KCNMA1: variants seen among roughly 807,000 people sequenced by gnomAD.
The protein encoded by KCNMA1 is potassium calcium-activated channel subfamily M alpha 1.
In KCNMA1, 29 loss-of-function variants were observed where a neutral mutation model predicts 140.0. That is an observed-to-expected ratio of 0.21 (90% CI 0.15 to 0.28). The LOEUF is 0.28. Ranked by LOEUF, KCNMA1 falls within the 10% of genes least tolerant of loss-of-function variation. The pLI, the probability that KCNMA1 is intolerant of heterozygous loss-of-function variation, is 1.00. For synonymous variants in KCNMA1, 612 were observed against 611.9 expected (o/e 1.00, Z 0.00); for missense variants, 880 against 1,602.2 (o/e 0.55, Z 7.70).
At chr10:77,170,065 C>A (rs2098687261) in intron 5 of KCNMA1, among the ~76,000 whole-genome samples, 1 of 152,116 alleles carries the variant, frequency 6.6e-6, no homozygotes, top group South Asian at 2.1e-4. Flanking sequence ...GTGGTGGGCA[C>A]CTGTAATCCC....
At chr10:77,494,740 G>C (rs1482183638) in intron 1 of KCNMA1, among the ~76,000 whole-genome samples, 1 of 152,190 alleles carries the variant, frequency 6.6e-6, no homozygotes, top group Non-Finnish European at 1.5e-5. Flanking sequence ...AACTGAGTTG[G>C]ATTAAATAAT....
intron 1 of KCNMA1, among the ~76,000 whole-genome samples, chr10:77,564,376 C>A (rs1213964668): frequency 1.3e-5 from 2 of 152,152 alleles, no homozygotes. Context: ...AGTTCAAGAC[C>A]AGCCTGGGCA....
At chr10:77,590,866 C>G (rs113823908) in intron 1 of KCNMA1, among the ~76,000 whole-genome samples, 4 of 152,238 alleles carry the variant, frequency 2.6e-5, no homozygotes, top group African/African-American at 9.6e-5. Flanking sequence ...ACCAGACACT[C>G]TAGCGAGACT....
intron 25 of KCNMA1, 69 bp downstream of exon 25, chr10:76,909,897 A>C: frequency 6.4e-7 from 1 of 1,564,986 alleles, no homozygotes; most frequent in Non-Finnish European, 8.7e-7. Flanking sequence ...CCAGGGCCTC[A>C]AAGGTTGGAG....
chr10:77,162,696 A>T (rs1314410595), intron 5 of KCNMA1, among the ~76,000 whole-genome samples: 1 of 152,248 alleles, frequency 6.6e-6, no homozygotes, highest in Non-Finnish European at 1.5e-5. Context: ...ATGAGACAGA[A>T]CTAGCAGAAA....
intron 1 of KCNMA1, among the ~76,000 whole-genome samples, chr10:77,414,196 G>A (rs2096683063): frequency 6.6e-6 from 1 of 152,202 alleles, no homozygotes; most frequent in East Asian, 1.9e-4. Context: ...CTGACCCGGA[G>A]GCCTGGATTG....
At chr10:76,947,435 C>T (rs1046050673) in intron 22 of KCNMA1, among the ~76,000 whole-genome samples, 1 of 152,170 alleles carries the variant, frequency 6.6e-6, no homozygotes, top group South Asian at 2.1e-4. Context: ...CCAAATATCA[C>T]ACATATACCC....
At chr10:77,636,530 A>G (rs2093755032) in intron 1 of KCNMA1, 1 of 1,536,056 alleles carries the variant, frequency 6.5e-7, no homozygotes, top group Non-Finnish European at 8.7e-7. Flanking sequence ...GGGCAAAGGA[A>G]CAGAGGCCGA....
At chr10:77,275,071 T>G (rs1309794193) in intron 2 of KCNMA1, among the ~76,000 whole-genome samples, 1 of 152,082 alleles carries the variant, frequency 6.6e-6, no homozygotes, top group African/African-American at 2.4e-5. Flanking sequence ...TTATCTTGAG[T>G]GTGGAGGGGC....
intron 3 of KCNMA1, chr10:77,250,963 G>T (rs1398173452): frequency 1.5e-5 from 8 of 544,802 alleles, no homozygotes; most frequent in Admixed American, 3.1e-5. Flanking sequence ...CCAGCAAGAA[G>T]ACTTGACCTC....
At chr10:77,180,608 T>C (rs1481950689) in intron 5 of KCNMA1, among the ~76,000 whole-genome samples, 1 of 152,166 alleles carries the variant, frequency 6.6e-6, no homozygotes, top group Non-Finnish European at 1.5e-5. Flanking sequence ...TTTACTTCCT[T>C]ATTAGGTTCA....
intron 2 of KCNMA1, among the ~76,000 whole-genome samples, chr10:77,267,086 G>T (rs1035597071): frequency 6.6e-6 from 1 of 152,188 alleles, no homozygotes; most frequent in Non-Finnish European, 1.5e-5. Context: ...GGTGTTCCAT[G>T]GAAGGAGGAT....
chr10:77,247,346 C>T (rs754441943), intron 3 of KCNMA1, among the ~76,000 whole-genome samples: 22 of 152,130 alleles, frequency 1.4e-4, no homozygotes, highest in Non-Finnish European at 2.6e-4. Context: ...CCATGAATCT[C>T]GCTCTCATGC....
chr10:77,471,874 T>TAC, intron 1 of KCNMA1, among the ~76,000 whole-genome samples: 1 of 150,990 alleles, frequency 6.6e-6, no homozygotes, highest in African/African-American at 2.4e-5. Context: ...CACACATATA[T>TAC]ACACACACAT....
intron 2 of KCNMA1, among the ~76,000 whole-genome samples, chr10:77,364,409 C>T: frequency 6.6e-6 from 1 of 151,932 alleles, no homozygotes; most frequent in African/African-American, 2.4e-5. Flanking sequence ...CAAGATCGTG[C>T]CACTGCACTC....
At chr10:76,911,197 TC>T (rs2050052890) in intron 24 of KCNMA1, 1 of 121,162 alleles carries the variant, frequency 8.3e-6, no homozygotes, top group African/African-American at 3.9e-5. Context: ...TGATAACTCT[TC>T]TTTTTTAAAA....
intron 22 of KCNMA1, 61 bp downstream of exon 22, chr10:76,949,081 C>G: frequency 1.6e-6 from 2 of 1,283,082 alleles, no homozygotes; most frequent in East Asian, 4.6e-5. Flanking sequence ...TATATCCATC[C>G]GGGATTTTCT....
chr10:76,883,727 T>G (rs1388066647), downstream of KCNMA1, among the ~76,000 whole-genome samples: 1 of 149,644 alleles, frequency 6.7e-6, no homozygotes, highest in African/African-American at 2.5e-5. Flanking sequence ...CCTTGTTTTT[T>G]TTTTTTTTTT....
chr10:77,590,215 T>C (rs2078599900), intron 1 of KCNMA1, among the ~76,000 whole-genome samples: 1 of 152,248 alleles, frequency 6.6e-6, no homozygotes, highest in Non-Finnish European at 1.5e-5. Context: ...CCCAGCTGGC[T>C]TCACCCAGTG....
Sources: gnomAD v4.1 joint callset for allele counts (sites outside exome capture counted in the v4.1 genomes callset) on GRCh38, gnomAD v4.1.1 for gene constraint, MANE v1.5 for transcripts, NCBI Gene and HGNC (gene_info 2026-07-23, HGNC 2026-07-21) for gene names.